Variants in STEAP1B observed in about 807,000 individuals in gnomAD.
STEAP1B encodes the protein STEAP family member 1B.
Under a neutral mutation model 27.9 loss-of-function variants are expected in STEAP1B, and 13 were observed. The ratio of observed to expected loss-of-function variants is 0.47; its 90% CI spans 0.30 to 0.74. The LOEUF is 0.74. Among genes scored for constraint, STEAP1B ranks in the 30% least tolerant of loss-of-function variants. The pLI is 0.06. For missense variants in STEAP1B, 250 were observed against 298.7 expected, an observed-to-expected ratio of 0.84 and a Z score of 1.20; for synonymous variants, 86 against 107.1, an observed-to-expected ratio of 0.80 and a Z score of 1.22.
chr7:22,441,979 TTC>T (rs1377266980), intron 4 of STEAP1B, among the ~76,000 whole-genome samples: 1 of 151,788 alleles, frequency 6.6e-6, no homozygotes. Flanking sequence ...AGGTCCCAAA[TTC>T]TAGACCATGG....
At chr7:22,438,855 C>T (rs1272984776) in intron 4 of STEAP1B, 16 of 1,277,446 alleles carry the variant, frequency 1.3e-5, no homozygotes, top group South Asian at 4.4e-5. Flanking sequence ...GAATACTCTC[C>T]TTCATTTATA....
At chr7:22,421,668 A>T (rs1785044575) in intron 4 of STEAP1B, among the ~76,000 whole-genome samples, 1 of 152,254 alleles carries the variant, frequency 6.6e-6, no homozygotes, top group Non-Finnish European at 1.5e-5. Context: ...TTGAATACAG[A>T]TATAATGAGG....
intron 4 of STEAP1B, among the ~76,000 whole-genome samples, chr7:22,487,235 G>T (rs1269665366): frequency 1.3e-5 from 2 of 152,074 alleles, no homozygotes; most frequent in Non-Finnish European, 2.9e-5. Flanking sequence ...GGAGTTTGGG[G>T]CTGCAGTGAG....
chr7:22,419,843 G>A lies in STEAP1B; in HGVS notation c.763-7C>T. ...AGTTGATCCTACCATGTACCTGGAA[G>A]GCAGACAGCAAGAAAGAGTTGATGT... On this transcript the variant is annotated splice_region_variant and splice_polypyrimidine_tract_variant and intron_variant, in intron 4 of 4. Transcript: ENST00000678116. 1 of 1,549,704 alleles carries A rather than the reference G, an allele frequency of 6.5e-7. No homozygotes were observed. The highest frequency in any genetic ancestry group is 8.7e-7 in the Non-Finnish European group (1 of 1,145,794).
At chr7:22,482,679 T>A (rs1007589993) in intron 4 of STEAP1B, among the ~76,000 whole-genome samples, 2 of 152,126 alleles carry the variant, frequency 1.3e-5, no homozygotes, top group Non-Finnish European at 2.9e-5. Context: ...AGTGAGTGGA[T>A]CCCATTTGGC....
intron 4 of STEAP1B, among the ~76,000 whole-genome samples, chr7:22,454,072 A>G (rs1277258966): frequency 6.6e-6 from 1 of 152,232 alleles, no homozygotes. Flanking sequence ...TCAGAAGAGC[A>G]AAACTATGTA....
intron 4 of STEAP1B, among the ~76,000 whole-genome samples, chr7:22,451,250 A>G (rs899405007): frequency 6.6e-6 from 1 of 151,616 alleles, no homozygotes; most frequent in African/African-American, 2.4e-5. Context: ...GGCATTTTGT[A>G]TGTTGATTTT....
chr7:22,485,790 T>A (rs944032955), intron 4 of STEAP1B, among the ~76,000 whole-genome samples: 1 of 152,220 alleles, frequency 6.6e-6, no homozygotes, highest in African/African-American at 2.4e-5. Flanking sequence ...GATTCTGAAC[T>A]GGAGATGAGT....
chr7:22,456,966 A>ATTTTT (rs1301439928), intron 4 of STEAP1B, among the ~76,000 whole-genome samples: 2 of 36,820 alleles, frequency 5.4e-5, no homozygotes, highest in Non-Finnish European at 1.2e-4. Context: ...ATATATATAT[A>ATTTTT]TATATATTTT....
chr7:22,489,712 C>A (rs1786283725), intron 4 of STEAP1B, among the ~76,000 whole-genome samples: 1 of 152,186 alleles, frequency 6.6e-6, no homozygotes, highest in African/African-American at 2.4e-5. Context: ...CTGGAACAGG[C>A]TCTCCCTCAC....
intron 4 of STEAP1B, among the ~76,000 whole-genome samples, chr7:22,468,247 A>G (rs1785819935): frequency 6.6e-6 from 1 of 152,128 alleles, no homozygotes; most frequent in Non-Finnish European, 1.5e-5. Flanking sequence ...ATTTTATCTG[A>G]CAAACCTATT....
intron 4 of STEAP1B, among the ~76,000 whole-genome samples, chr7:22,471,552 T>C (rs1367252312): frequency 2.0e-5 from 3 of 152,138 alleles, no homozygotes; most frequent in Non-Finnish European, 2.9e-5. Flanking sequence ...GTACGAGAAA[T>C]AGACTGCTCC....
intron 4 of STEAP1B, among the ~76,000 whole-genome samples, chr7:22,486,270 T>C (rs1786207248): frequency 6.6e-6 from 1 of 152,304 alleles, no homozygotes; most frequent in Admixed American, 6.5e-5. Flanking sequence ...TGAAGGAAAC[T>C]GACTAGAAAG....
At chr7:22,430,616 C>T (rs1785171273) in intron 4 of STEAP1B, among the ~76,000 whole-genome samples, 1 of 152,192 alleles carries the variant, frequency 6.6e-6, no homozygotes, top group Non-Finnish European at 1.5e-5. Context: ...GGGCTGAGTC[C>T]AAAGGCTTGT....
At chr7:22,425,389 T>C (rs1235406111) in intron 4 of STEAP1B, among the ~76,000 whole-genome samples, 1 of 152,214 alleles carries the variant, frequency 6.6e-6, no homozygotes, top group Non-Finnish European at 1.5e-5. Flanking sequence ...CATTTGATCA[T>C]AGCCCAACAG....
At chr7:22,481,731 A>C (rs960664806) in intron 4 of STEAP1B, among the ~76,000 whole-genome samples, 32 of 152,370 alleles carry the variant, frequency 2.1e-4, no homozygotes, top group African/African-American at 7.0e-4. Context: ...ATTTCAGTGC[A>C]CTTAGAGGGC....
chr7:22,456,046 C>G (rs1785573726), intron 4 of STEAP1B, among the ~76,000 whole-genome samples: 1 of 151,950 alleles, frequency 6.6e-6, no homozygotes, highest in African/African-American at 2.4e-5. Flanking sequence ...ACTCGTGAGG[C>G]TGAGGCAGGA....
At chr7:22,439,567 T>C (rs1421207877) in intron 4 of STEAP1B, among the ~76,000 whole-genome samples, 2 of 152,224 alleles carry the variant, frequency 1.3e-5, no homozygotes, top group Non-Finnish European at 2.9e-5. Flanking sequence ...AAGGTCAATA[T>C]TGAAGACATG....
At chr7:22,482,631 C>A (rs1458386780) in intron 4 of STEAP1B, among the ~76,000 whole-genome samples, 1 of 152,158 alleles carries the variant, frequency 6.6e-6, no homozygotes, top group East Asian at 1.9e-4. Context: ...GCCCCCCAGG[C>A]ACATAGGGGG....
Sources: allele counts gnomAD v4.1 joint callset (sites outside exome capture counted in the v4.1 genomes callset), GRCh38; gene constraint gnomAD v4.1.1; transcripts MANE v1.5; gene names NCBI Gene and HGNC (gene_info 2026-07-23, HGNC 2026-07-21).